Variants in PDE4B observed in about 807,000 individuals in gnomAD.
PDE4B encodes phosphodiesterase 4B, also known as 3',5'-cyclic-AMP phosphodiesterase 4B.
In PDE4B, 20 loss-of-function variants were observed where a neutral mutation model predicts 82.2. The ratio of observed to expected loss-of-function variants is 0.24; its 90% confidence interval spans 0.17 to 0.35. The LOEUF (loss-of-function observed/expected upper bound fraction) is 0.35, where lower values mean the gene tolerates loss of function less well. Among genes scored for constraint, PDE4B ranks in the 10% least tolerant of loss-of-function variants. PDE4B has a pLI of 1.00. For missense variants in PDE4B, 655 were observed against 907.2 expected, an observed-to-expected ratio of 0.72 and a Z score of 3.57; for synonymous variants, 320 against 318.9, an observed-to-expected ratio of 1.00 and a Z score of -0.04.
intron 7 of PDE4B, among the ~76,000 whole-genome samples, chr1:66,280,213 A>G (rs1351855672): frequency 1.3e-5 from 2 of 152,262 alleles, no homozygotes; most frequent in East Asian, 3.8e-4. Flanking sequence ...AAACCAAATG[A>G]TAGTTCGAAA....
chr1:65,893,331 C>A (rs928158841), intron 1 of PDE4B, among the ~76,000 whole-genome samples: 5 of 151,984 alleles, frequency 3.3e-5, no homozygotes, highest in African/African-American at 1.2e-4. Context: ...GTAGATATTT[C>A]TCAAAAGAAG....
At chr1:66,002,569 CTA>C (rs979077699) in intron 3 of PDE4B, among the ~76,000 whole-genome samples, 1 of 151,508 alleles carries the variant, frequency 6.6e-6, no homozygotes, top group Non-Finnish European at 1.5e-5. Flanking sequence ...AAAAATAAAT[CTA>C]TAATAATTTT....
rs115764320 is a variant in PDE4B, at chr1:66,091,430, G to T, written c.282-156030G>T. 4.0e-3 allele frequency among the ~76,000 whole-genome samples: 616 copies of T among 152,124 alleles called. 4 individuals are homozygous for T. The highest frequency in any genetic ancestry group is 0.014 in the African/African-American group (591 of 41,550). The stretch of plus-strand genomic sequence containing the variant: ...ACTGAGTGTCTCTGTTTAAAATGGA[G>T]AAATTTATCTTCGTGAATGTTAATG... On this transcript the variant is annotated intron_variant, in intron 3 of 16. Transcript: ENST00000341517.
chr1:66,041,490 A>T lies in PDE4B; in HGVS notation c.281+122655A>T, dbSNP rs1654369388. On this transcript the variant is annotated intron_variant, in intron 3 of 16. Transcript: ENST00000341517. Reference sequence around the variant, plus strand: ...TCTCCAACTTAAGACCCAGGTATATAGAACCATTTGCAACTTCTACAACAT... The same window carrying T: ...TCTCCAACTTAAGACCCAGGTATATTGAACCATTTGCAACTTCTACAACAT... Among the ~76,000 whole-genome samples the T allele has an allele frequency of 2.0e-5, 3 of 152,042 alleles. No individual in the cohort carries two copies. The South Asian group carries it at 6.2e-4, about 31-fold the overall frequency.
rs199779614 is a variant in PDE4B at position 66,187,549 on chromosome 1, G to T, written c.282-59911G>T. ...CTATTCAAAGATTTAACTTCTTCCT[G>T]GTTTAGTCTTGGGAGGGCATATGTG... On this transcript the variant is annotated intron_variant, in intron 3 of 16. Coordinates refer to ENST00000341517, the MANE Select transcript of PDE4B (RefSeq NM_002600.4). 3.2e-3 allele frequency among the ~76,000 whole-genome samples: 469 copies of T among 146,190 alleles called. 4 individuals are homozygous for T. The highest frequency in any genetic ancestry group is 9.3e-3 in the African/African-American group (367 of 39,410).
At chr1:66,164,835 T>G (rs1367598907) in intron 3 of PDE4B, among the ~76,000 whole-genome samples, 1 of 147,318 alleles carries the variant, frequency 6.8e-6, no homozygotes. Flanking sequence ...CTCAGCTTAC[T>G]GCAAGCAAGC....
At chr1:65,995,799 T>A (rs998471196) in intron 3 of PDE4B, among the ~76,000 whole-genome samples, 1 of 152,232 alleles carries the variant, frequency 6.6e-6, no homozygotes, top group African/African-American at 2.4e-5. Flanking sequence ...ATGTTATTAC[T>A]TTACAGTAGA....
intron 3 of PDE4B, among the ~76,000 whole-genome samples, chr1:65,922,589 T>C (rs1647286569): frequency 6.6e-6 from 1 of 152,158 alleles, no homozygotes. Flanking sequence ...CAGGATCCCC[T>C]CACCTCTTAT....
intron 4 of PDE4B, among the ~76,000 whole-genome samples, chr1:66,252,187 A>G (rs770967689): frequency 2.0e-5 from 3 of 152,222 alleles, no homozygotes; most frequent in African/African-American, 7.2e-5. Flanking sequence ...TGGTTGCACT[A>G]TTTCCTGGGA....
chr1:66,323,685 C>T (rs1659566256), intron 7 of PDE4B, among the ~76,000 whole-genome samples: 1 of 152,008 alleles, frequency 6.6e-6, no homozygotes, highest in Non-Finnish European at 1.5e-5. Context: ...ATGCTACAGC[C>T]CATTAAAATA....
At chr1:66,092,118 G>A (rs988129899) in intron 3 of PDE4B, among the ~76,000 whole-genome samples, 1 of 151,942 alleles carries the variant, frequency 6.6e-6, no homozygotes, top group African/African-American at 2.4e-5. Context: ...GTGGAAATCA[G>A]AATTTAATAT....
At chr1:66,039,353 A>C (rs1654237695) in intron 3 of PDE4B, among the ~76,000 whole-genome samples, 1 of 152,106 alleles carries the variant, frequency 6.6e-6, no homozygotes, top group African/African-American at 2.4e-5. Context: ...TTATTGTTGA[A>C]ATCAATTGCA....
chr1:66,164,845 C>T (rs191070360), intron 3 of PDE4B, among the ~76,000 whole-genome samples: 36 of 149,714 alleles, frequency 2.4e-4, no homozygotes, highest in African/African-American at 8.8e-4. Context: ...TGCAAGCAAG[C>T]TCCACCTCCC....
At chr1:66,153,781 C>G (rs1481521673) in intron 3 of PDE4B, among the ~76,000 whole-genome samples, 1 of 152,194 alleles carries the variant, frequency 6.6e-6, no homozygotes. Context: ...CTCCTACATA[C>G]AGACATTAGC....
intron 3 of PDE4B, among the ~76,000 whole-genome samples, chr1:66,035,831 C>T (rs1267166781): frequency 6.6e-6 from 1 of 152,112 alleles, no homozygotes; most frequent in Non-Finnish European, 1.5e-5. Context: ...CTTTGGCATA[C>T]TAATTTTAAT....
At chr1:66,172,969 G>T (rs1646865654) in intron 3 of PDE4B, among the ~76,000 whole-genome samples, 1 of 152,110 alleles carries the variant, frequency 6.6e-6, no homozygotes, top group Non-Finnish European at 1.5e-5. Flanking sequence ...ATCTGAAGTT[G>T]TATAATTATC....
intron 7 of PDE4B, among the ~76,000 whole-genome samples, chr1:66,317,144 A>G (rs1659083071): frequency 6.6e-6 from 1 of 152,182 alleles, no homozygotes; most frequent in Non-Finnish European, 1.5e-5. Context: ...AGAGGCTGCA[A>G]AAATCATAAC....
chr1:66,312,353 A>G (rs189425510), intron 7 of PDE4B, among the ~76,000 whole-genome samples: 119 of 151,514 alleles, frequency 7.9e-4, no homozygotes, highest in Admixed American at 1.8e-3. Context: ...GTTTCTTTCT[A>G]GAGACTCTAA....
At chr1:65,872,335 G>C (rs1646582781) in intron 1 of PDE4B, among the ~76,000 whole-genome samples, 1 of 151,996 alleles carries the variant, frequency 6.6e-6, no homozygotes, top group South Asian at 2.1e-4. Flanking sequence ...ATAATGAACT[G>C]CAGTCAGGAG....
Sources: allele counts gnomAD v4.1 joint callset (sites outside exome capture counted in the v4.1 genomes callset), GRCh38; gene constraint gnomAD v4.1.1; transcripts MANE v1.5; gene names NCBI Gene and HGNC (gene_info 2026-07-23, HGNC 2026-07-21).